The following SCAF4 variants were observed in gnomAD, a reference collection of about 807,000 sequenced individuals.
SCAF4 encodes the protein SR-related CTD associated factor 4, also known as SR-related and CTD-associated factor 4.
A neutral mutation model predicts 129.8 loss-of-function variants in SCAF4; 25 were observed. The ratio of observed to expected loss-of-function variants is 0.19; its 90% CI spans 0.14 to 0.27. The LOEUF is 0.27. Ranked by LOEUF, SCAF4 falls within the 10% of genes least tolerant of loss-of-function variation. The pLI, the probability that SCAF4 is intolerant of heterozygous loss-of-function variation, is 1.00. For synonymous variants in SCAF4, 551 were observed against 497.7 expected (o/e 1.11, Z -1.43); for missense variants, 1,246 against 1,457.1 (o/e 0.86, Z 2.36).
Position 31,692,436 on chromosome 21 carries a change from G to A in SCAF4, c.1527C>T (p.Thr509=). ...KPETASVCST[T]LWVGQLDKRT... ...TTTTGTCCAGCTGCCCCACCCAGAG[G>A]GTAGTACTGCAAACTTAAAATAAAA... The change falls in exon 13 of 20, where the codon ACC becomes ACT. Residue 509 remains threonine (T), a synonymous_variant. Coordinates refer to ENST00000286835, the MANE Select transcript of SCAF4 (RefSeq NM_020706.2). 6.2e-7 allele frequency: 1 copy of A among 1,612,282 alleles called. No individual in the cohort carries two copies. The highest frequency in any genetic ancestry group is 8.5e-7 in the Non-Finnish European group (1 of 1,178,602).
chr21:31,691,801 A>C lies in SCAF4; in HGVS notation c.1728+16T>G. 2 of 1,354,966 alleles carry C rather than the reference A, an allele frequency of 1.5e-6. 1 individual carries two copies. The highest frequency in any genetic ancestry group is 4.9e-5 in the East Asian group (2 of 40,786). 83.9% of individuals were successfully genotyped at this position (1,354,966 alleles called of 1,614,324 possible). Reference sequence around the variant, plus strand: ...CTATTTAAAAAAAAAATTAATTATAACATGTAAGACTGTACCTTTATGGAT... The same window carrying C: ...CTATTTAAAAAAAAAATTAATTATACCATGTAAGACTGTACCTTTATGGAT... On this transcript the variant is annotated intron_variant, in intron 14 of 19. Coordinates refer to ENST00000286835, the MANE Select transcript of SCAF4 (RefSeq NM_020706.2).
Position 31,680,352 on chromosome 21 carries a change from T to C in SCAF4, c.2488+4697A>G, listed in dbSNP as rs1481508086. 2.0e-5 allele frequency among the ~76,000 whole-genome samples: 3 copies of C among 152,258 alleles called. 1 individual carries two copies. The East Asian group carries it at 5.8e-4, about 29-fold the overall frequency. On this transcript the variant is annotated intron_variant, in intron 19 of 19. Coordinates refer to ENST00000286835, the MANE Select transcript of SCAF4 (RefSeq NM_020706.2). Reference sequence around the variant, plus strand: ...ATTTGTTCTAGATTAATCACTATTTTGCATTATCCACTGTATCCAATGAAC... The same window carrying C: ...ATTTGTTCTAGATTAATCACTATTTCGCATTATCCACTGTATCCAATGAAC...
chr21:31,721,970 T>G (rs547374551), intron 1 of SCAF4, among the ~76,000 whole-genome samples: 1 of 152,048 alleles, frequency 6.6e-6, no homozygotes, highest in Non-Finnish European at 1.5e-5. Flanking sequence ...TCCACCCACT[T>G]TGACCTCCCA....
intron 1 of SCAF4, among the ~76,000 whole-genome samples, chr21:31,723,637 C>CGCGT: frequency 7.3e-6 from 1 of 136,950 alleles, no homozygotes; most frequent in Non-Finnish European, 1.6e-5. Flanking sequence ...TGTGCGCGCG[C>CGCGT]GCGCGCGCGC....
chr21:31,671,341 C>A lies in SCAF4; in HGVS notation c.*58G>T. The A allele has an allele frequency of 6.4e-7, 1 of 1,559,548 alleles. No individual in the cohort carries two copies. Among genetic ancestry groups the A allele is most frequent in the Non-Finnish European group, 8.7e-7 (1 of 1,152,192 alleles). On this transcript the variant is annotated 3_prime_UTR_variant, in exon 20 of 20. Transcript: ENST00000286835. ...GAGCGGATATAATACAGCATCTGTA[C>A]ACCTCAAGCTCTACACTCCAGGAAG...
At chr21:31,696,779 T>C in intron 7 of SCAF4, 29 bp from the exon 8 acceptor site, 1 of 1,566,746 alleles carries the variant, frequency 6.4e-7, no homozygotes, top group South Asian at 1.1e-5. Context: ...TATTTCATTT[T>C]AAAATTTAGA....
intron 1 of SCAF4, among the ~76,000 whole-genome samples, chr21:31,722,347 T>C (rs1041508374): frequency 2.6e-5 from 4 of 152,196 alleles, no homozygotes; most frequent in Non-Finnish European, 4.4e-5. Context: ...ATTGTACCTA[T>C]ATACATTCCT....
chr21:31,722,763 G>A (rs1012805950), intron 1 of SCAF4, among the ~76,000 whole-genome samples: 1 of 152,042 alleles, frequency 6.6e-6, no homozygotes, highest in Non-Finnish European at 1.5e-5. Flanking sequence ...GACCAGCCTG[G>A]CCAACATTGA....
intron 1 of SCAF4, among the ~76,000 whole-genome samples, chr21:31,721,450 G>A (rs2051064877): frequency 6.6e-6 from 1 of 152,134 alleles, no homozygotes; most frequent in Non-Finnish European, 1.5e-5. Context: ...TTTAAGCAGG[G>A]TATTATAATT....
At chr21:31,689,214 G>A (rs559161832) in intron 15 of SCAF4, among the ~76,000 whole-genome samples, 113 of 152,162 alleles carry the variant, frequency 7.4e-4, no homozygotes, top group African/African-American at 2.6e-3. Flanking sequence ...TACATCCAGG[G>A]AGGGAGTGGG....
rs2050382537 is a variant in SCAF4, at chr21:31,696,238, A to G, written c.960-17T>C. On this transcript the variant is annotated splice_polypyrimidine_tract_variant and intron_variant, in intron 8 of 19. Transcript: ENST00000286835. The stretch of plus-strand genomic sequence containing the variant: ...GGAAAGCCACTAAAAAAAGGTGGAT[A>G]ATCTTTTACCCATTCAAAAGCACAA... The G allele has an allele frequency of 1.9e-6, 3 of 1,588,594 alleles. No homozygotes were observed. The highest frequency in any genetic ancestry group is 8.6e-7 in the Non-Finnish European group (1 of 1,156,980).
chr21:31,705,891 G>A (rs1197662775), intron 2 of SCAF4, among the ~76,000 whole-genome samples: 1 of 152,198 alleles, frequency 6.6e-6, no homozygotes, highest in Non-Finnish European at 1.5e-5. Flanking sequence ...TTTATGATAA[G>A]GAATAAATGA....
chr21:31,693,584 A>G (rs1389241612), intron 11 of SCAF4, 100 bp from the exon 12 acceptor site: 2 of 676,756 alleles, frequency 3.0e-6, no homozygotes, highest in East Asian at 6.4e-5. Context: ...AGGTAATTTA[A>G]TGTTTGGGTA....
intron 1 of SCAF4, among the ~76,000 whole-genome samples, chr21:31,707,720 A>G (rs1001105087): frequency 2.6e-5 from 4 of 152,230 alleles, no homozygotes; most frequent in Non-Finnish European, 5.9e-5. Flanking sequence ...CCTTTACTAG[A>G]CCACTAGCTA....
chr21:31,679,038 G>A (rs2049935040), intron 19 of SCAF4, among the ~76,000 whole-genome samples: 1 of 152,184 alleles, frequency 6.6e-6, no homozygotes, highest in Non-Finnish European at 1.5e-5. Flanking sequence ...TCATCAAGGA[G>A]AAGATACCTC....
At chr21:31,715,325 C>T (rs1028532923) in intron 1 of SCAF4, among the ~76,000 whole-genome samples, 5 of 151,788 alleles carry the variant, frequency 3.3e-5, no homozygotes, top group South Asian at 2.1e-4. Flanking sequence ...ATGATTACAC[C>T]GGGCCCACCC....
Position 31,672,174 on chromosome 21 carries a change from G to A in SCAF4, c.2669C>T (p.Pro890Leu). The change falls in exon 20 of 20, where the codon CCA becomes CTA. Residue 890 changes from proline (P) to leucine (L), a missense_variant. By Grantham distance (98) the Pro-to-Leu change is moderately conservative. Around this residue, in one of 6 missense-constraint regions of SCAF4, gnomAD observed 468 missense variants for 605.5 expected, o/e 0.77. Coordinates refer to ENST00000286835, the MANE Select transcript of SCAF4 (RefSeq NM_020706.2). ...CGCAAAGCCCCCTGGTCCTGGCGGT[G>A]GGCCTCTGTGCATCATGTGCGGTGG... is the stretch of plus-strand genomic sequence containing the variant. ...PMPPHMMHRGPPPGPGGFAMP... is the reference protein window; with the variant it reads ...PMPPHMMHRGLPPGPGGFAMP... 6.2e-7 allele frequency: 1 copy of A among 1,603,922 alleles called. No homozygotes were observed. The highest frequency in any genetic ancestry group is 8.5e-7 in the Non-Finnish European group (1 of 1,173,174).
At chr21:31,699,359 T>C (rs1211805488) in intron 7 of SCAF4, among the ~76,000 whole-genome samples, 2 of 152,106 alleles carry the variant, frequency 1.3e-5, no homozygotes, top group African/African-American at 4.8e-5. Context: ...AATCACAACA[T>C]AAAACAAAAA....
At chr21:31,717,969 G>A (rs954019100) in intron 1 of SCAF4, among the ~76,000 whole-genome samples, 3 of 149,854 alleles carry the variant, frequency 2.0e-5, no homozygotes, top group African/African-American at 7.4e-5. Context: ...TTGAGATGGA[G>A]TTTCACTCTC....
Sources: gnomAD v4.1 joint callset for allele counts (sites outside exome capture counted in the v4.1 genomes callset) on GRCh38, gnomAD v4.1.1 for gene constraint, gnomAD v4.1.1 regional missense constraint, MANE v1.5 for transcripts, NCBI Gene and HGNC (gene_info 2026-07-23, HGNC 2026-07-21) for gene names.